The following CES5A variants were observed in gnomAD, a reference collection of about 807,000 sequenced individuals.
CES5A encodes the protein carboxylesterase 5A.
A neutral mutation model predicts 62.9 loss-of-function variants in CES5A; 67 were observed. The observed-to-expected ratio is 1.07, with a 90% CI of 0.88 to 1.31. The LOEUF (loss-of-function observed/expected upper bound fraction) is 1.31. CES5A is among the 50% of genes most tolerant of loss of function. The pLI, the probability that CES5A is intolerant of heterozygous loss-of-function variation, is 0.00. For synonymous variants in CES5A, 296 were observed against 280.8 expected, an observed-to-expected ratio of 1.05 and a Z score of -0.54; for missense variants, 748 against 708.5, an observed-to-expected ratio of 1.06 and a Z score of -0.63.
At chr16:55,897,192 C>T (rs1346738414) in intron 1 of CES5A, among the ~76,000 whole-genome samples, 1 of 152,054 alleles carries the variant, frequency 6.6e-6, no homozygotes, top group Non-Finnish European at 1.5e-5. Context: ...GCATCCAACC[C>T]CAGGGTACCA....
chr16:55,936,145 C>A (rs1385870758), intron 2 of CES5A, among the ~76,000 whole-genome samples: 3 of 152,194 alleles, frequency 2.0e-5, no homozygotes, highest in African/African-American at 7.2e-5. Flanking sequence ...CACCTCCAAT[C>A]TTCCCAACAC....
intron 10 of CES5A, 38 bp from the exon 11 acceptor site, chr16:55,849,811 C>T (rs754939313): frequency 5.0e-6 from 8 of 1,604,328 alleles, no homozygotes; most frequent in Middle Eastern, 1.9e-4. Flanking sequence ...ATGCATGCAG[C>T]GCGGAGCAGG....
At chr16:55,935,190 G>A (rs976990870) in intron 2 of CES5A, among the ~76,000 whole-genome samples, 16 of 152,162 alleles carry the variant, frequency 1.1e-4, no homozygotes, top group Non-Finnish European at 1.9e-4. Context: ...TGATCCACCC[G>A]CCTTGGCCTC....
intron 11 of CES5A, 57 bp from the exon 12 acceptor site, chr16:55,846,897 G>C (rs1597105861): frequency 6.9e-7 from 1 of 1,453,826 alleles, no homozygotes; most frequent in South Asian, 1.2e-5. Context: ...GAAGCCCCGG[G>C]TGCCTTGTAT....
At chr16:55,870,910 G>T (rs1349331259) in intron 3 of CES5A, among the ~76,000 whole-genome samples, 2 of 152,184 alleles carry the variant, frequency 1.3e-5, no homozygotes, top group African/African-American at 4.8e-5. Flanking sequence ...CTCTGGCTTT[G>T]GTGCCAGAAT....
intron 1 of CES5A, among the ~76,000 whole-genome samples, chr16:55,895,938 G>A (rs2033927691): frequency 6.6e-6 from 1 of 152,182 alleles, no homozygotes. Flanking sequence ...ACTCTCATGG[G>A]AATGGATTAG....
Position 55,866,123 on chromosome 16 carries a change from A to C in CES5A, c.552-7T>G. The C allele has an allele frequency of 1.2e-6, 2 of 1,605,140 alleles. No individual in the cohort carries two copies. The highest frequency in any genetic ancestry group is 1.1e-5 in the South Asian group (1 of 90,488). ...AGCATGCTGATCCCATGTGCTGAGG[A>C]CAAGAGGCAGGGTGAGAATTCTTGG... On this transcript the variant is annotated splice_polypyrimidine_tract_variant and splice_region_variant and intron_variant, in intron 4 of 12. Transcript: ENST00000290567.
chr16:55,952,540 T>C (rs7186345), intron 1 of CES5A, among the ~76,000 whole-genome samples: 1 of 152,084 alleles, frequency 6.6e-6, no homozygotes, highest in Non-Finnish European at 1.5e-5. Context: ...AGTGTGAGAA[T>C]AGAGTGAGTA....
At chr16:55,926,204 G>A (rs1390189804), upstream of CES5A, among the ~76,000 whole-genome samples, 14 of 152,062 alleles carry the variant, frequency 9.2e-5, no homozygotes. Flanking sequence ...CAAATTATGT[G>A]AATATATTAA....
At chr16:55,857,673 T>C (rs1407707556) in intron 8 of CES5A, among the ~76,000 whole-genome samples, 1 of 152,258 alleles carries the variant, frequency 6.6e-6, no homozygotes, top group Non-Finnish European at 1.5e-5. Flanking sequence ...CAAATTCACA[T>C]GGAATTTCAG....
At chr16:55,851,879 G>A (rs187497486) in intron 10 of CES5A, among the ~76,000 whole-genome samples, 10 of 152,334 alleles carry the variant, frequency 6.6e-5, no homozygotes, top group East Asian at 1.9e-4. Context: ...AAATTCTGAT[G>A]TATAGTACAG....
At chr16:55,931,401 G>T (rs1384849800) in intron 2 of CES5A, among the ~76,000 whole-genome samples, 4 of 152,158 alleles carry the variant, frequency 2.6e-5, no homozygotes, top group African/African-American at 9.7e-5. Flanking sequence ...AGTTTGTTCT[G>T]CCACAACACA....
chr16:55,897,207 C>T (rs925530971), intron 1 of CES5A, among the ~76,000 whole-genome samples: 2 of 152,110 alleles, frequency 1.3e-5, no homozygotes, highest in Non-Finnish European at 2.9e-5. Flanking sequence ...GTACCACTCC[C>T]TGCTGTCCTG....
chr16:55,919,147 T>C (rs1471711916), intron 1 of CES5A, among the ~76,000 whole-genome samples: 1 of 152,242 alleles, frequency 6.6e-6, no homozygotes, highest in African/African-American at 2.4e-5. Context: ...CCAAGCCTTC[T>C]GCTGGGCAAT....
At chr16:55,940,781 C>T (rs1473942117) in intron 2 of CES5A, among the ~76,000 whole-genome samples, 1 of 150,888 alleles carries the variant, frequency 6.6e-6, no homozygotes, top group African/African-American at 2.5e-5. Context: ...AAAATAATAG[C>T]AACCAAATTA....
At chr16:55,913,884 C>A (rs1567352398) in intron 1 of CES5A, among the ~76,000 whole-genome samples, 1 of 152,136 alleles carries the variant, frequency 6.6e-6, no homozygotes, top group African/African-American at 2.4e-5. Context: ...GGAAACAAAT[C>A]CACACTGTTC....
At chr16:55,907,776 G>A (rs565740517) in intron 1 of CES5A, among the ~76,000 whole-genome samples, 28 of 152,252 alleles carry the variant, frequency 1.8e-4, no homozygotes, top group African/African-American at 6.5e-4. Flanking sequence ...AGATGAGCTC[G>A]ACCTGACAGG....
At chr16:55,936,866 T>A (rs2034382068) in intron 2 of CES5A, among the ~76,000 whole-genome samples, 1 of 152,210 alleles carries the variant, frequency 6.6e-6, no homozygotes, top group African/African-American at 2.4e-5. Flanking sequence ...TAAGACATCA[T>A]CTCATATGCT....
chr16:55,882,815 G>A (rs1224912004), intron 1 of CES5A, among the ~76,000 whole-genome samples: 1 of 152,136 alleles, frequency 6.6e-6, no homozygotes, highest in African/African-American at 2.4e-5. Flanking sequence ...TTTCCAAAGG[G>A]CTTATCTCCC....
Sources: gnomAD v4.1 joint callset for allele counts (sites outside exome capture counted in the v4.1 genomes callset) on GRCh38, gnomAD v4.1.1 for gene constraint, MANE v1.5 for transcripts, NCBI Gene and HGNC (gene_info 2026-07-23, HGNC 2026-07-21) for gene names.